The following BAIAP2 variants were observed in gnomAD, a reference collection of about 807,000 sequenced individuals.
BAIAP2 encodes the protein BAR/IMD domain-containing adapter protein 2.
Under a neutral mutation model 63.0 loss-of-function variants are expected in BAIAP2, and 18 were observed. The observed-to-expected ratio is 0.29, with a 90% CI of 0.20 to 0.42. The LOEUF (loss-of-function observed/expected upper bound fraction) is 0.42, where lower values mean the gene tolerates loss of function less well. Among genes scored for constraint, BAIAP2 ranks in the 10% least tolerant of loss-of-function variants. BAIAP2 has a pLI of 1.00. For synonymous variants in BAIAP2, 386 were observed against 307.6 expected (o/e 1.25, Z -2.67); for missense variants, 610 against 734.3 (o/e 0.83, Z 1.96).
chr17:81,072,249 G>T (rs1342655496), intron 3 of BAIAP2, among the ~76,000 whole-genome samples: 1 of 152,186 alleles, frequency 6.6e-6, no homozygotes, highest in Non-Finnish European at 1.5e-5. Flanking sequence ...GGAGACCTGC[G>T]CAGGCCCCAC....
chr17:81,116,084 T>TG lies in BAIAP2; in HGVS notation c.*246dup, dbSNP rs1159998897. 6.7e-7 allele frequency: 1 copy of TG among 1,501,262 alleles called. No homozygotes were observed. Among genetic ancestry groups the TG allele is most frequent in the Non-Finnish European group, 8.9e-7 (1 of 1,128,844 alleles). The allele number at this position is 1,501,262 out of a possible 1,614,324, so 93.0% of individuals were successfully genotyped here. ...TGCCCAGGGCTGAGGGGCCGCCTCT[T>TG]GAGGGTACACGCCTCTGGTCACATG... On this transcript the variant is annotated 3_prime_UTR_variant, in exon 14 of 14. Coordinates refer to ENST00000428708, the MANE Select transcript of BAIAP2 (RefSeq NM_001144888.2).
At chr17:81,100,151 C>T in intron 7 of BAIAP2, 71 bp downstream of exon 7, 2 of 1,507,436 alleles carry the variant, frequency 1.3e-6, no homozygotes, top group South Asian at 1.3e-5. Context: ...GCCCCTGCCC[C>T]AGCCCCAGCC....
intron 6 of BAIAP2, chr17:81,097,694 AAGGT>A (rs1431957975): frequency 6.3e-6 from 1 of 157,534 alleles, no homozygotes; most frequent in African/African-American, 2.4e-5. Flanking sequence ...GGCTCAGCCC[AAGGT>A]AGGTAGGCAC....
At chr17:81,093,281 C>G (rs1461334773) in intron 6 of BAIAP2, among the ~76,000 whole-genome samples, 2 of 152,194 alleles carry the variant, frequency 1.3e-5, no homozygotes, top group Non-Finnish European at 2.9e-5. Context: ...CTGGGACGAC[C>G]CTGCTCAGCC....
intron 1 of BAIAP2, among the ~76,000 whole-genome samples, chr17:81,048,598 C>T (rs1415692420): frequency 1.3e-5 from 2 of 151,968 alleles, no homozygotes; most frequent in African/African-American, 2.4e-5. Context: ...CATCAGTCTC[C>T]AGGCTGGCCA....
At chr17:81,104,161 ACC>A in intron 9 of BAIAP2, 53 bp downstream of exon 9, 3 of 1,579,896 alleles carry the variant, frequency 1.9e-6, no homozygotes, top group Non-Finnish European at 2.6e-6. Context: ...GCCTCCTCAG[ACC>A]CTACAGTCAT....
At chr17:81,111,571 G>A (rs1309796154) in intron 13 of BAIAP2, among the ~76,000 whole-genome samples, 2 of 152,232 alleles carry the variant, frequency 1.3e-5, no homozygotes, top group Non-Finnish European at 2.9e-5. Context: ...CAGACCTGGA[G>A]GGCTGCTGGG....
intron 3 of BAIAP2, among the ~76,000 whole-genome samples, chr17:81,082,167 C>T (rs944864178): frequency 2.0e-5 from 3 of 152,100 alleles, no homozygotes; most frequent in Admixed American, 6.5e-5. Flanking sequence ...GCATCCAGGG[C>T]GGCTGTGAGA....
At chr17:81,056,997 G>A (rs969583632) in intron 2 of BAIAP2, among the ~76,000 whole-genome samples, 4 of 152,372 alleles carry the variant, frequency 2.6e-5, no homozygotes, top group South Asian at 2.1e-4. Context: ...CTCTGTGGAC[G>A]TGGTCTTGTG....
chr17:81,086,239 T>C (rs1166698810), intron 5 of BAIAP2, among the ~76,000 whole-genome samples: 2 of 140,864 alleles, frequency 1.4e-5, no homozygotes, highest in Non-Finnish European at 3.1e-5. Context: ...TTGGGTGGGG[T>C]CGGGCTGAGG....
chr17:81,096,386 C>CT (rs2145686729), intron 6 of BAIAP2, among the ~76,000 whole-genome samples: 1 of 152,356 alleles, frequency 6.6e-6, no homozygotes, highest in East Asian at 1.9e-4. Flanking sequence ...GGCTGCCCCA[C>CT]TTAAGGGATT....
At chr17:81,047,391 C>T (rs1249833820) in intron 1 of BAIAP2, among the ~76,000 whole-genome samples, 3 of 152,188 alleles carry the variant, frequency 2.0e-5, no homozygotes, top group Admixed American at 1.3e-4. Context: ...TCTAAGGCAG[C>T]CGGAGAGGGT....
chr17:81,092,887 G>A (rs760348859), intron 6 of BAIAP2, among the ~76,000 whole-genome samples: 1 of 152,198 alleles, frequency 6.6e-6, no homozygotes, highest in Non-Finnish European at 1.5e-5. Context: ...GCGGGGCGTG[G>A]TCACAGCCTG....
chr17:81,047,794 C>A (rs1426674359), intron 1 of BAIAP2, among the ~76,000 whole-genome samples: 3 of 66,160 alleles, frequency 4.5e-5, no homozygotes, highest in African/African-American at 1.9e-4. Context: ...CAGCTCATGC[C>A]CACAGCACAC....
At chr17:81,101,845 G>A (rs2058530598) in intron 7 of BAIAP2, among the ~76,000 whole-genome samples, 1 of 152,250 alleles carries the variant, frequency 6.6e-6, no homozygotes, top group Non-Finnish European at 1.5e-5. Context: ...AGCGGTGACA[G>A]GCTGTGCTGC....
At chr17:81,092,910 C>G (rs1358098786) in intron 6 of BAIAP2, among the ~76,000 whole-genome samples, 1 of 152,132 alleles carries the variant, frequency 6.6e-6, no homozygotes, top group African/African-American at 2.4e-5. Context: ...CCAGCTCCTC[C>G]TTAGAACAGA....
chr17:81,098,880 C>T (rs530032183), intron 6 of BAIAP2, among the ~76,000 whole-genome samples: 10 of 152,358 alleles, frequency 6.6e-5, no homozygotes, highest in African/African-American at 2.4e-4. Flanking sequence ...GCTTGACTAC[C>T]TGTCTTTCCT....
At chr17:81,055,569 G>GGTTTTT (rs138656369) in intron 2 of BAIAP2, among the ~76,000 whole-genome samples, 16 of 94,152 alleles carry the variant, frequency 1.7e-4, no homozygotes, top group Admixed American at 7.2e-4. Context: ...TCTGCAGGGT[G>GGTTTTT]TTTTGTTTTT....
At chr17:81,100,219 TG>T (rs2145808530) in intron 7 of BAIAP2, 139 bp downstream of exon 7, 3 of 1,264,948 alleles carry the variant, frequency 2.4e-6, no homozygotes, top group African/African-American at 1.5e-5. Context: ...CGGGTTTTCT[TG>T]GGGGTGAAGT....
Sources: allele counts gnomAD v4.1 joint callset (sites outside exome capture counted in the v4.1 genomes callset), GRCh38; gene constraint gnomAD v4.1.1; transcripts MANE v1.5; gene names NCBI Gene and HGNC (gene_info 2026-07-23, HGNC 2026-07-21).